STON2: variants seen among roughly 807,000 people sequenced by gnomAD.
STON2 encodes stonin 2, also known as stonin-2.
A neutral mutation model predicts 65.7 loss-of-function variants in STON2; 29 were observed. That is an observed-to-expected ratio of 0.44 (90% CI 0.33 to 0.60). STON2 has a LOEUF of 0.60. Ranked by LOEUF, STON2 falls within the 20% of genes least tolerant of loss-of-function variation. The probability of loss-of-function intolerance (pLI) is 0.03; values close to 1 mark genes in which losing one functional copy is unlikely to be tolerated. For synonymous variants in STON2, 404 were observed against 414.2 expected (o/e 0.98, Z 0.30); for missense variants, 1,054 against 1,118.1 (o/e 0.94, Z 0.82).
intron 4 of STON2, 97 bp downstream of exon 4, chr14:81,370,891 G>T: frequency 8.7e-7 from 1 of 1,152,906 alleles, no homozygotes; most frequent in South Asian, 1.4e-5. Flanking sequence ...ATTCTGCAAA[G>T]GAAGCCAGCT....
intron 2 of STON2, among the ~76,000 whole-genome samples, chr14:81,417,762 CA>C (rs2139883867): frequency 6.6e-6 from 1 of 152,198 alleles, no homozygotes; most frequent in East Asian, 1.9e-4. Flanking sequence ...AGGTTATCAA[CA>C]GGGGAAGTAA....
At chr14:81,288,713 T>A (rs1484502146) in intron 5 of STON2, among the ~76,000 whole-genome samples, 1 of 151,900 alleles carries the variant, frequency 6.6e-6, no homozygotes, top group African/African-American at 2.4e-5. Flanking sequence ...CTATATGGTA[T>A]GAAAAGAAGT....
intron 2 of STON2, among the ~76,000 whole-genome samples, chr14:81,418,496 G>A (rs1595465702): frequency 1.3e-5 from 2 of 152,074 alleles, no homozygotes; most frequent in Non-Finnish European, 2.9e-5. Context: ...TGATTGCAAG[G>A]AGTTAATAAT....
chr14:81,378,406 G>A (rs184383929), intron 3 of STON2, among the ~76,000 whole-genome samples: 1 of 151,824 alleles, frequency 6.6e-6, no homozygotes, highest in East Asian at 1.9e-4. Flanking sequence ...CATAGAGATG[G>A]GGTTTCACTA....
Position 81,412,779 on chromosome 14 carries a change from C to T in STON2, c.-198-14199G>A, listed in dbSNP as rs888538692. 5.7e-5 allele frequency among the ~76,000 whole-genome samples: 8 copies of T among 139,924 alleles called. 2 individuals carry two copies. Among genetic ancestry groups the T allele is most frequent in the African/African-American group, 1.5e-4 (5 of 34,068 alleles). The allele number at this position is 139,924 out of a possible 152,430, so 91.8% of individuals were successfully genotyped here. On this transcript the variant is annotated intron_variant, in intron 2 of 8. Transcript: ENST00000553821. ...TTTTTAAATTAAAAAAAAATGACCACGCGCAAAGCAGTCTTCGCAAAGGGG... is the reference window on the plus strand; with the variant it reads ...TTTTTAAATTAAAAAAAAATGACCATGCGCAAAGCAGTCTTCGCAAAGGGG...
chr14:81,365,229 G>A (rs772517079), intron 4 of STON2, among the ~76,000 whole-genome samples: 7 of 152,164 alleles, frequency 4.6e-5, no homozygotes, highest in Non-Finnish European at 7.3e-5. Flanking sequence ...AAAGGCCCAC[G>A]TCTTGTTTGC....
At chr14:81,280,605 C>CGCACATAATT (rs1195970497) in intron 5 of STON2, among the ~76,000 whole-genome samples, 1 of 152,128 alleles carries the variant, frequency 6.6e-6, no homozygotes, top group Non-Finnish European at 1.5e-5. Flanking sequence ...TCAGCAATGC[C>CGCACATAATT]GCACATAATT....
chr14:81,410,307 A>AG (rs1901093754), intron 2 of STON2, among the ~76,000 whole-genome samples: 1 of 137,736 alleles, frequency 7.3e-6, no homozygotes, highest in Non-Finnish European at 1.5e-5. Context: ...AAAAAAAAAA[A>AG]CAGAAGAGAT....
At position 81,413,202 on chromosome 14, in the gene STON2, T is replaced by C. The variant is rs111999276; in HGVS notation, c.-199+13900A>G. ...ACCAAACACTTCATCTACTTCTACC[T>C]GGGCCAAGTGGCCATTCTTCTGTTC... On this transcript the variant is annotated intron_variant, in intron 2 of 8. Transcript: ENST00000553821. 7,076 of 1,546,602 alleles carry C rather than the reference T, an allele frequency of 4.6e-3. 1,901 individuals carry two copies. The African/African-American group carries it at 0.084, about 18-fold the overall frequency.
intron 3 of STON2, among the ~76,000 whole-genome samples, chr14:81,378,264 G>A (rs1899347469): frequency 2.6e-5 from 4 of 152,124 alleles, no homozygotes; most frequent in Admixed American, 2.6e-4. Flanking sequence ...TGTCCAGGTT[G>A]GAGTGGAGTG....
chr14:81,391,770 T>A (rs1296341600), intron 3 of STON2, among the ~76,000 whole-genome samples: 1 of 152,146 alleles, frequency 6.6e-6, no homozygotes. Context: ...TCCACATGGT[T>A]TATTTCTGCT....
At chr14:81,401,493 C>T (rs769254382), upstream of STON2, among the ~76,000 whole-genome samples, 2 of 152,108 alleles carry the variant, frequency 1.3e-5, no homozygotes, top group Non-Finnish European at 2.9e-5. Flanking sequence ...ACCAATAAGC[C>T]ATAAGAAATC....
upstream of STON2, among the ~76,000 whole-genome samples, chr14:81,402,717 C>T (rs1407648029): frequency 6.6e-6 from 1 of 152,110 alleles, no homozygotes; most frequent in African/African-American, 2.4e-5. Context: ...CTCTCCAATC[C>T]CACTGCCAAT....
At chr14:81,387,404 G>A (rs1333712027) in intron 3 of STON2, among the ~76,000 whole-genome samples, 2 of 152,044 alleles carry the variant, frequency 1.3e-5, no homozygotes, top group Non-Finnish European at 1.5e-5. Context: ...AACATGGCCC[G>A]ACTCAAATGG....
intron 5 of STON2, among the ~76,000 whole-genome samples, chr14:81,280,808 C>A (rs1895082093): frequency 6.6e-6 from 1 of 152,032 alleles, no homozygotes; most frequent in Non-Finnish European, 1.5e-5. Context: ...GTCAGGAGTT[C>A]AAGACCAGCC....
rs556401677 is a variant in STON2 at position 81,412,804 on chromosome 14, GAAAAT to G, written c.-198-14229_-198-14225del. ...CGCGCAAAGCAGTCTTCGCAAAGGG[GAAAAT>G]ATGATTGCTTTGTGACCTTTAAAAC... is the stretch of plus-strand genomic sequence containing the variant. On this transcript the variant is annotated intron_variant, in intron 2 of 8. Coordinates refer to the STON2 transcript ENST00000553821. Among the ~76,000 whole-genome samples, 111 of 139,966 alleles carry G rather than the reference GAAAAT, an allele frequency of 7.9e-4. 25 individuals are homozygous for G. In the East Asian group the frequency reaches 0.027, roughly 34 times the overall value. 91.8% of individuals were successfully genotyped at this position (139,966 alleles called of 152,430 possible).
intron 5 of STON2, among the ~76,000 whole-genome samples, chr14:81,292,522 A>G (rs1324220969): frequency 1.3e-5 from 2 of 152,158 alleles, no homozygotes; most frequent in African/African-American, 2.4e-5. Context: ...GTGAGTTCTC[A>G]TGAGGTCTGA....
intron 4 of STON2, among the ~76,000 whole-genome samples, chr14:81,366,310 G>A (rs1898724388): frequency 6.6e-6 from 1 of 152,196 alleles, no homozygotes; most frequent in Admixed American, 6.5e-5. Context: ...CTCTGCCGCA[G>A]ATGACAGGGA....
intron 7 of STON2, chr14:81,268,755 A>G (rs1371242754): frequency 1.8e-6 from 1 of 547,284 alleles, no homozygotes; most frequent in Non-Finnish European, 2.3e-6. Context: ...ACATTTGGTC[A>G]AAGATCACCC....
Sources: allele counts gnomAD v4.1 joint callset (sites outside exome capture counted in the v4.1 genomes callset), GRCh38; gene constraint gnomAD v4.1.1; transcripts MANE v1.5; gene names NCBI Gene and HGNC (gene_info 2026-07-23, HGNC 2026-07-21).